Variants in AMBRA1 observed in about 807,000 individuals in gnomAD.
AMBRA1 encodes the protein activating molecule in BECN1-regulated autophagy protein 1.
AMBRA1 carries 47 observed loss-of-function variants against 125.4 expected under a neutral mutation model. The ratio of observed to expected loss-of-function variants is 0.37; its 90% CI spans 0.30 to 0.48. The LOEUF (loss-of-function observed/expected upper bound fraction) is 0.48, where lower values mean the gene tolerates loss of function less well. Among genes scored for constraint, AMBRA1 ranks in the 20% least tolerant of loss-of-function variants. The pLI, the probability that AMBRA1 is intolerant of heterozygous loss-of-function variation, is 0.99. For synonymous variants in AMBRA1, 626 were observed against 655.5 expected, an observed-to-expected ratio of 0.95 and a Z score of 0.69; for missense variants, 1,331 against 1,693.4, an observed-to-expected ratio of 0.79 and a Z score of 3.76.
At chr11:46,450,932 T>C (rs560220146) in intron 11 of AMBRA1, among the ~76,000 whole-genome samples, 1 of 152,286 alleles carries the variant, frequency 6.6e-6, no homozygotes, top group South Asian at 2.1e-4. Flanking sequence ...CACACTGGTG[T>C]GGACAGTGGG....
At chr11:46,514,477 A>G (rs771215708) in intron 7 of AMBRA1, among the ~76,000 whole-genome samples, 48 of 152,248 alleles carry the variant, frequency 3.2e-4, no homozygotes, top group Middle Eastern at 3.2e-3. Context: ...GGAAAGCAAT[A>G]AAATACATCT....
chr11:46,523,040 G>A (rs1179194299), intron 7 of AMBRA1, among the ~76,000 whole-genome samples: 1 of 152,146 alleles, frequency 6.6e-6, no homozygotes, highest in Non-Finnish European at 1.5e-5. Flanking sequence ...GAGGCAAGGA[G>A]GCCAATTTCC....
At chr11:46,483,070 A>G (rs1292757031) in intron 11 of AMBRA1, among the ~76,000 whole-genome samples, 1 of 152,126 alleles carries the variant, frequency 6.6e-6, no homozygotes, top group Non-Finnish European at 1.5e-5. Context: ...GGCATCCCTA[A>G]AGAATGTAGC....
intron 7 of AMBRA1, among the ~76,000 whole-genome samples, chr11:46,522,613 G>A (rs1454015491): frequency 6.6e-6 from 1 of 152,164 alleles, no homozygotes; most frequent in Non-Finnish European, 1.5e-5. Context: ...GAATTTAAGA[G>A]GCAGTGTATC....
At chr11:46,479,402 A>G (rs2136914057) in intron 11 of AMBRA1, among the ~76,000 whole-genome samples, 1 of 152,342 alleles carries the variant, frequency 6.6e-6, no homozygotes, top group Non-Finnish European at 1.5e-5. Context: ...AATGGACAAA[A>G]GCAAACATGA....
chr11:46,541,251 C>T (rs2135163449), intron 7 of AMBRA1, among the ~76,000 whole-genome samples: 1 of 152,238 alleles, frequency 6.6e-6, no homozygotes, highest in South Asian at 2.1e-4. Context: ...GCTAGGATGC[C>T]AATCTGAGTA....
chr11:46,467,533 G>A (rs1319213309), intron 11 of AMBRA1, among the ~76,000 whole-genome samples: 1 of 146,446 alleles, frequency 6.8e-6, no homozygotes, highest in Admixed American at 6.8e-5. Flanking sequence ...TTCCTTTACT[G>A]TTACTCTATG....
intron 1 of AMBRA1, among the ~76,000 whole-genome samples, chr11:46,562,655 G>A (rs772601094): frequency 1.3e-5 from 2 of 152,172 alleles, no homozygotes; most frequent in African/African-American, 2.4e-5. Flanking sequence ...ATGTTTGCGG[G>A]TGGGGGAGCA....
At chr11:46,521,723 A>G (rs946876394) in intron 7 of AMBRA1, among the ~76,000 whole-genome samples, 1 of 152,240 alleles carries the variant, frequency 6.6e-6, no homozygotes, top group Non-Finnish European at 1.5e-5. Context: ...TGATCGCTGC[A>G]GGGCCCCCTA....
chr11:46,547,913 A>G, intron 2 of AMBRA1, 38 bp from the exon 3 acceptor site: 2 of 1,569,036 alleles, frequency 1.3e-6, no homozygotes, highest in Non-Finnish European at 1.7e-6. Context: ...AAAATACATG[A>G]TTTGTAGACC....
chr11:46,409,571 G>C (rs946271251), intron 16 of AMBRA1, among the ~76,000 whole-genome samples: 14 of 152,326 alleles, frequency 9.2e-5, no homozygotes. Flanking sequence ...CTTGCAGGTA[G>C]GGAGCACAGG....
intron 16 of AMBRA1, among the ~76,000 whole-genome samples, chr11:46,409,910 G>A (rs992583740): frequency 2.6e-5 from 4 of 152,208 alleles, no homozygotes; most frequent in Admixed American, 1.3e-4. Context: ...ACAGCCCTGG[G>A]CAGCTTGGTC....
chr11:46,546,033 CTTT>C (rs35703280), intron 4 of AMBRA1: 581 of 139,014 alleles, frequency 4.2e-3, no homozygotes, highest in South Asian at 0.015. Context: ...GTTCCTATTT[CTTT>C]TTTTTTTTTT....
intron 1 of AMBRA1, among the ~76,000 whole-genome samples, chr11:46,577,701 A>G (rs2044006324): frequency 6.6e-6 from 1 of 152,174 alleles, no homozygotes; most frequent in Admixed American, 6.5e-5. Flanking sequence ...CTATAATGCC[A>G]GCACTTTGGG....
chr11:46,434,127 A>AG (rs1947593513), intron 13 of AMBRA1, among the ~76,000 whole-genome samples: 1 of 151,510 alleles, frequency 6.6e-6, no homozygotes, highest in African/African-American at 2.4e-5. Flanking sequence ...AAAAAAAAAA[A>AG]AAAAAAAAAA....
intron 14 of AMBRA1, among the ~76,000 whole-genome samples, chr11:46,426,040 G>A (rs1425335254): frequency 6.0e-5 from 9 of 151,208 alleles, no homozygotes; most frequent in South Asian, 4.2e-4. Flanking sequence ...CCAGCTACTC[G>A]GGAGGCTGAG....
intron 11 of AMBRA1, among the ~76,000 whole-genome samples, chr11:46,462,998 C>T (rs1360690746): frequency 6.6e-6 from 1 of 152,098 alleles, no homozygotes; most frequent in Non-Finnish European, 1.5e-5. Context: ...AAGTGATCCA[C>T]CTACCTTGGC....
At chr11:46,575,512 CTTTTTTTTTTTT>C (rs775796043) in intron 1 of AMBRA1, among the ~76,000 whole-genome samples, 2 of 100,412 alleles carry the variant, frequency 2.0e-5, no homozygotes, top group African/African-American at 4.1e-5. Context: ...TTTTTCTTTC[CTTTTTTTTTTTT>C]TTTTTTTTTT....
chr11:46,536,065 T>C (rs528298165), intron 7 of AMBRA1, among the ~76,000 whole-genome samples: 1 of 152,380 alleles, frequency 6.6e-6, no homozygotes, highest in African/African-American at 2.4e-5. Flanking sequence ...AATGACTCTC[T>C]GTAAGACCAA....
Sources: allele counts gnomAD v4.1 joint callset (sites outside exome capture counted in the v4.1 genomes callset), GRCh38; gene constraint gnomAD v4.1.1; transcripts MANE v1.5; gene names NCBI Gene and HGNC (gene_info 2026-07-23, HGNC 2026-07-21).